ADAMTS19: variants seen among roughly 807,000 people sequenced by gnomAD.
ADAMTS19 encodes the protein ADAM metallopeptidase with thrombospondin type 1 motif 19.
In ADAMTS19, 93 loss-of-function variants were observed where a neutral mutation model predicts 153.3. The ratio of observed to expected loss-of-function variants is 0.61; its 90% CI spans 0.51 to 0.72. The LOEUF (loss-of-function observed/expected upper bound fraction) is 0.72, where lower values mean the gene tolerates loss of function less well. Ranked by LOEUF, ADAMTS19 falls within the 30% of genes least tolerant of loss-of-function variation. The pLI, the probability that ADAMTS19 is intolerant of heterozygous loss-of-function variation, is 0.00. For missense variants in ADAMTS19, 1,482 were observed against 1,552.1 expected (o/e 0.95, Z 0.76); for synonymous variants, 600 against 556.6 (o/e 1.08, Z -1.10).
chr5:129,558,214 G>A lies in ADAMTS19; in HGVS notation c.1372+6307G>A, dbSNP rs371653785. Among the ~76,000 whole-genome samples, 18 of 151,906 alleles carry A rather than the reference G, an allele frequency of 1.2e-4. No homozygotes were observed. In the South Asian group the frequency reaches 2.9e-3, roughly 25 times the overall value. On this transcript the variant is annotated intron_variant, in intron 7 of 22. Transcript: ENST00000274487. ...AATTCTGCTACCACCACTTCTATTC[G>A]ACAATGCACTGAAAATTTTAGGCAT...
chr5:129,709,607 T>C (rs1756344462), intron 21 of ADAMTS19, among the ~76,000 whole-genome samples: 2 of 152,204 alleles, frequency 1.3e-5, no homozygotes, highest in Non-Finnish European at 2.9e-5. Context: ...TCAAGCATTA[T>C]AACCTTAAAG....
intron 16 of ADAMTS19, among the ~76,000 whole-genome samples, chr5:129,665,871 G>A (rs1248610165): frequency 1.1e-5 from 1 of 90,072 alleles, no homozygotes; most frequent in African/African-American, 5.2e-5. Flanking sequence ...ATTTGGGTAT[G>A]ATTTATATTC....
At chr5:129,621,926 C>G (rs1751794203) in intron 9 of ADAMTS19, among the ~76,000 whole-genome samples, 1 of 152,080 alleles carries the variant, frequency 6.6e-6, no homozygotes, top group African/African-American at 2.4e-5. Flanking sequence ...AAATAACACC[C>G]ACTTCACAAT....
intron 6 of ADAMTS19, among the ~76,000 whole-genome samples, chr5:129,546,017 A>G (rs1752841267): frequency 6.7e-6 from 1 of 149,106 alleles, no homozygotes; most frequent in South Asian, 2.1e-4. Context: ...CTGGATTAAG[A>G]GAATGTGGCA....
intron 10 of ADAMTS19, among the ~76,000 whole-genome samples, chr5:129,631,055 A>G (rs895484602): frequency 2.0e-5 from 3 of 151,978 alleles, no homozygotes; most frequent in Admixed American, 6.6e-5. Flanking sequence ...CAATGTCTTA[A>G]GTTTAAAGAA....
chr5:129,576,688 C>T (rs1316874396), intron 7 of ADAMTS19, among the ~76,000 whole-genome samples: 2 of 151,564 alleles, frequency 1.3e-5, no homozygotes, highest in African/African-American at 4.9e-5. Context: ...TTGTGTAGGT[C>T]AGCAATCACA....
At chr5:129,588,444 G>T (rs1414396913) in intron 7 of ADAMTS19, among the ~76,000 whole-genome samples, 1 of 152,046 alleles carries the variant, frequency 6.6e-6, no homozygotes, top group East Asian at 1.9e-4. Context: ...GTGTGTGTGA[G>T]AGAGAAAATT....
intron 6 of ADAMTS19, among the ~76,000 whole-genome samples, chr5:129,535,100 A>G (rs1385377787): frequency 3.3e-5 from 5 of 152,190 alleles, no homozygotes; most frequent in East Asian, 1.9e-4. Context: ...AGGGCATTCA[A>G]TTAGGAAAAG....
At chr5:129,646,178 G>A (rs905929975) in intron 11 of ADAMTS19, among the ~76,000 whole-genome samples, 5 of 151,964 alleles carry the variant, frequency 3.3e-5, no homozygotes, top group Non-Finnish European at 7.4e-5. Flanking sequence ...GTGAGCCACC[G>A]CGCCCGGCCT....
intron 21 of ADAMTS19, among the ~76,000 whole-genome samples, chr5:129,716,208 A>G (rs540170221): frequency 6.6e-6 from 1 of 151,626 alleles, no homozygotes; most frequent in African/African-American, 2.4e-5. Context: ...ATTTGTATTT[A>G]TTTTTTTGAT....
chr5:129,658,118 C>G (rs1753624351), intron 14 of ADAMTS19, among the ~76,000 whole-genome samples: 1 of 151,674 alleles, frequency 6.6e-6, no homozygotes, highest in Non-Finnish European at 1.5e-5. Flanking sequence ...AACCTTGTCT[C>G]AACAAAAAAA....
intron 7 of ADAMTS19, among the ~76,000 whole-genome samples, chr5:129,579,779 T>G (rs1749416651): frequency 1.3e-5 from 2 of 152,212 alleles, no homozygotes. Flanking sequence ...GCCTCTGTTC[T>G]GTCCCGTTGG....
At chr5:129,581,853 G>T (rs375496136) in intron 7 of ADAMTS19, among the ~76,000 whole-genome samples, 1 of 151,904 alleles carries the variant, frequency 6.6e-6, no homozygotes, top group East Asian at 1.9e-4. Context: ...CCTTAATTTC[G>T]TTATTTACCC....
At chr5:129,480,672 A>T (rs547463023) in intron 2 of ADAMTS19, among the ~76,000 whole-genome samples, 1 of 152,308 alleles carries the variant, frequency 6.6e-6, no homozygotes, top group African/African-American at 2.4e-5. Context: ...AGAAAGAAAT[A>T]AAGGTGAATA....
chr5:129,674,211 A>G (rs1248811776), intron 16 of ADAMTS19, among the ~76,000 whole-genome samples: 1 of 136,118 alleles, frequency 7.3e-6, no homozygotes, highest in Non-Finnish European at 1.6e-5. Context: ...AGCCTAGGCA[A>G]CAAGAGCGAA....
chr5:129,720,814 T>A (rs960997066), intron 21 of ADAMTS19, among the ~76,000 whole-genome samples: 13 of 152,194 alleles, frequency 8.5e-5, no homozygotes, highest in Admixed American at 2.0e-4. Context: ...AATGAAGTTG[T>A]TCAGAAGTGC....
intron 6 of ADAMTS19, among the ~76,000 whole-genome samples, chr5:129,551,303 T>C (rs1489402387): frequency 6.6e-6 from 1 of 151,686 alleles, no homozygotes; most frequent in African/African-American, 2.4e-5. Context: ...TGCTAAGATA[T>C]AATTTCAGAT....
At chr5:129,564,850 A>G (rs912559325) in intron 7 of ADAMTS19, among the ~76,000 whole-genome samples, 8 of 152,206 alleles carry the variant, frequency 5.3e-5, no homozygotes, top group South Asian at 2.1e-4. Context: ...AGAAAATCCA[A>G]TGGAGTCAGA....
intron 6 of ADAMTS19, among the ~76,000 whole-genome samples, chr5:129,537,528 A>G (rs556615723): frequency 6.6e-6 from 1 of 152,158 alleles, no homozygotes; most frequent in South Asian, 2.1e-4. Flanking sequence ...AACCAACCCA[A>G]ATGTCCAACA....
Sources: gnomAD v4.1 joint callset for allele counts (sites outside exome capture counted in the v4.1 genomes callset) on GRCh38, gnomAD v4.1.1 for gene constraint, MANE v1.5 for transcripts, NCBI Gene and HGNC (gene_info 2026-07-23, HGNC 2026-07-21) for gene names.